The following HPSE2 variants were observed in gnomAD, a reference collection of about 807,000 sequenced individuals.
HPSE2 encodes inactive heparanase-2.
A neutral mutation model predicts 60.5 loss-of-function variants in HPSE2; 38 were observed. The observed-to-expected ratio is 0.63, with a 90% confidence interval of 0.48 to 0.82. The LOEUF (loss-of-function observed/expected upper bound fraction) is 0.82. Ranked by LOEUF, HPSE2 falls within the 40% of genes least tolerant of loss-of-function variation. The pLI, the probability that HPSE2 is intolerant of heterozygous loss-of-function variation, is 0.00. For missense variants in HPSE2, 713 were observed against 740.4 expected (o/e 0.96, Z 0.43); for synonymous variants, 295 against 293.2 (o/e 1.01, Z -0.06).
intron 6 of HPSE2, among the ~76,000 whole-genome samples, chr10:98,693,506 TC>T (rs908623764): frequency 2.0e-5 from 3 of 152,218 alleles, no homozygotes; most frequent in Admixed American, 2.0e-4. Context: ...ACAAAATGTT[TC>T]TATTTTCCCA....
intron 3 of HPSE2, among the ~76,000 whole-genome samples, chr10:98,870,100 G>C (rs144315897): frequency 3.5e-4 from 53 of 152,188 alleles, no homozygotes; most frequent in African/African-American, 1.3e-3. Flanking sequence ...CCTAATAATA[G>C]GTCACATATA....
intron 6 of HPSE2, among the ~76,000 whole-genome samples, chr10:98,670,882 C>G (rs1271037078): frequency 6.6e-6 from 1 of 152,196 alleles, no homozygotes; most frequent in Non-Finnish European, 1.5e-5. Context: ...AAATGGTGCA[C>G]TTGGGGAGCT....
chr10:99,148,388 G>A (rs1368388435), intron 2 of HPSE2, among the ~76,000 whole-genome samples: 1 of 152,144 alleles, frequency 6.6e-6, no homozygotes, highest in Non-Finnish European at 1.5e-5. Flanking sequence ...TTAGTATCCT[G>A]CTTGTGGTAT....
intron 3 of HPSE2, among the ~76,000 whole-genome samples, chr10:99,030,764 T>G (rs367787134): frequency 1.1e-4 from 16 of 152,208 alleles, no homozygotes; most frequent in African/African-American, 3.6e-4. Flanking sequence ...ATAAAGAAAA[T>G]GTAGTACATA....
intron 9 of HPSE2, among the ~76,000 whole-genome samples, chr10:98,581,336 G>T (rs972422747): frequency 6.6e-6 from 1 of 152,012 alleles, no homozygotes; most frequent in Non-Finnish European, 1.5e-5. Flanking sequence ...TCTTCTTAAT[G>T]ATCAAAACCA....
chr10:98,987,727 T>A (rs926996458), intron 3 of HPSE2, among the ~76,000 whole-genome samples: 1 of 152,204 alleles, frequency 6.6e-6, no homozygotes, highest in African/African-American at 2.4e-5. Context: ...GATGACATGA[T>A]TGTATACCTA....
intron 3 of HPSE2, among the ~76,000 whole-genome samples, chr10:98,835,367 A>C (rs1182975341): frequency 6.6e-6 from 1 of 152,198 alleles, no homozygotes; most frequent in Non-Finnish European, 1.5e-5. Flanking sequence ...CATGAAATTT[A>C]TACACACACA....
intron 7 of HPSE2, among the ~76,000 whole-genome samples, chr10:98,632,296 C>A (rs1946384980): frequency 6.6e-6 from 1 of 152,082 alleles, no homozygotes; most frequent in Admixed American, 6.5e-5. Flanking sequence ...ATGCATTTTT[C>A]ACAATTCAAT....
At chr10:99,296,516 C>G in the HPSE2 span, among the ~76,000 whole-genome samples, 1 of 152,242 alleles carries the variant, frequency 6.6e-6, no homozygotes, top group African/African-American at 2.4e-5. Context: ...CTGCCCTGAG[C>G]TGCTACTCTC....
intron 3 of HPSE2, among the ~76,000 whole-genome samples, chr10:98,900,033 A>G (rs1180461427): frequency 1.3e-5 from 2 of 152,008 alleles, no homozygotes; most frequent in African/African-American, 4.8e-5. Context: ...GTTTCTTACA[A>G]AGTTAAACAT....
chr10:98,697,740 G>A (rs754709906), intron 5 of HPSE2, among the ~76,000 whole-genome samples: 5 of 152,122 alleles, frequency 3.3e-5, no homozygotes, highest in South Asian at 2.1e-4. Context: ...AGGAAAAAAT[G>A]TTAAGGGCAG....
chr10:98,995,649 G>A (rs1488571860), intron 3 of HPSE2, among the ~76,000 whole-genome samples: 3 of 151,860 alleles, frequency 2.0e-5, no homozygotes, highest in Non-Finnish European at 2.9e-5. Flanking sequence ...AAACACCATT[G>A]AGAAAATAAA....
At chr10:98,477,539 G>A (rs1941070585) in intron 11 of HPSE2, among the ~76,000 whole-genome samples, 1 of 152,202 alleles carries the variant, frequency 6.6e-6, no homozygotes, top group African/African-American at 2.4e-5. Flanking sequence ...AATTTTTGGA[G>A]TATTTTCCCT....
At chr10:98,996,922 C>T (rs538718402) in intron 3 of HPSE2, among the ~76,000 whole-genome samples, 3 of 152,196 alleles carry the variant, frequency 2.0e-5, no homozygotes, top group South Asian at 4.2e-4. Context: ...ATGATGAAAA[C>T]GTACTGGGTG....
intron 9 of HPSE2, among the ~76,000 whole-genome samples, chr10:98,614,300 T>TG (rs960597246): frequency 3.2e-4 from 49 of 151,716 alleles, no homozygotes; most frequent in Admixed American, 5.9e-4. Flanking sequence ...TGTTTTGTTT[T>TG]TTTTTTTTTT....
At chr10:99,139,288 G>A (rs547049921) in intron 3 of HPSE2, among the ~76,000 whole-genome samples, 1 of 152,196 alleles carries the variant, frequency 6.6e-6, no homozygotes, top group Non-Finnish European at 1.5e-5. Context: ...CTCAGAAGCA[G>A]AAGGGGGAGA....
chr10:98,937,126 A>C (rs914988699), intron 3 of HPSE2, among the ~76,000 whole-genome samples: 1 of 144,108 alleles, frequency 6.9e-6, no homozygotes, highest in African/African-American at 2.8e-5. Flanking sequence ...GAGTAGGAAC[A>C]GCTCTGGTCT....
chr10:98,547,684 T>G (rs1943732500), intron 9 of HPSE2, among the ~76,000 whole-genome samples: 1 of 148,292 alleles, frequency 6.7e-6, no homozygotes, highest in Non-Finnish European at 1.5e-5. Flanking sequence ...AGGGATGGCA[T>G]TAGGTGATAT....
chr10:99,167,169 C>G (rs1847118054), intron 2 of HPSE2, among the ~76,000 whole-genome samples: 1 of 152,016 alleles, frequency 6.6e-6, no homozygotes, highest in Admixed American at 6.6e-5. Flanking sequence ...TGCCACCACA[C>G]CTGGCTAATT....
Sources: allele counts gnomAD v4.1 joint callset (sites outside exome capture counted in the v4.1 genomes callset), GRCh38; gene constraint gnomAD v4.1.1; transcripts MANE v1.5; gene names NCBI Gene and HGNC (gene_info 2026-07-23, HGNC 2026-07-21).